COL4A3: variants seen among roughly 807,000 people sequenced by gnomAD.
COL4A3 encodes collagen type IV alpha 3 chain, also known as collagen alpha-3(IV) chain.
A neutral mutation model predicts 217.4 loss-of-function variants in COL4A3; 135 were observed. That is an observed-to-expected ratio of 0.62 (90% CI 0.54 to 0.72). The LOEUF is 0.72. COL4A3 is among the 30% of genes least tolerant of loss of function. The pLI, the probability that COL4A3 is intolerant of heterozygous loss-of-function variation, is 0.00. For synonymous variants in COL4A3, 690 were observed against 736.3 expected (o/e 0.94, Z 1.02); for missense variants, 1,868 against 2,119.9 (o/e 0.88, Z 2.33).
intron 29 of COL4A3, 62 bp from the exon 30 acceptor site, chr2:227,280,378 G>A (rs1026311534): frequency 2.5e-6 from 4 of 1,584,504 alleles, no homozygotes; most frequent in African/African-American, 2.7e-5. Flanking sequence ...CCATAACAGA[G>A]AGTCAATATC....
At chr2:227,192,913 A>G (rs2066300381) in intron 1 of COL4A3, among the ~76,000 whole-genome samples, 1 of 152,270 alleles carries the variant, frequency 6.6e-6, no homozygotes. Context: ...AAAAATTAAA[A>G]GAAAATGAAA....
At chr2:227,262,047 AT>A (rs1559877341) in intron 20 of COL4A3, among the ~76,000 whole-genome samples, 1 of 152,238 alleles carries the variant, frequency 6.6e-6, no homozygotes, top group East Asian at 1.9e-4. Context: ...ATGATGTTGT[AT>A]ATTATACTAC....
intron 1 of COL4A3, among the ~76,000 whole-genome samples, chr2:227,201,433 A>G (rs2066681443): frequency 1.3e-5 from 2 of 152,218 alleles, no homozygotes; most frequent in Admixed American, 6.5e-5. Context: ...CTTACATTGT[A>G]TTTGCCACTG....
At chr2:227,205,737 C>G (rs1363185870) in intron 1 of COL4A3, among the ~76,000 whole-genome samples, 1 of 146,380 alleles carries the variant, frequency 6.8e-6, no homozygotes, top group African/African-American at 2.5e-5. Flanking sequence ...CGACTAAGTT[C>G]AAAATACTCT....
rs2071190170 is a variant in COL4A3, at chr2:227,270,811, A to C, written c.1617A>C (p.Glu539Asp). Residue 539 changes from glutamate (E) to aspartate (D), a missense_variant, in exon 25 of 52, where the codon GAA becomes GAC. Physicochemically the swap from Glu to Asp is conservative, Grantham distance 45. Transcript: ENST00000396578. ...AGGGTGACCCAGGACTTAAAGGAGA[A>C]AAAGGTGAAACACTTCAGCCTGAGG... Reference protein sequence around the residue: ...GAQGDPGLKGEKGETLQPEGQ... With the variant: ...GAQGDPGLKGDKGETLQPEGQ... 2 of 1,614,176 alleles carry C rather than the reference A, an allele frequency of 1.2e-6. No individual in the cohort carries two copies.
chr2:227,240,450 TTCATC>T (rs2068957082), intron 3 of COL4A3, among the ~76,000 whole-genome samples: 2 of 152,198 alleles, frequency 1.3e-5, no homozygotes, highest in South Asian at 4.1e-4. Flanking sequence ...GTGGCTCCAG[TTCATC>T]TCCCTCCCTA....
At chr2:227,271,019 T>C in intron 25 of COL4A3, 67 bp downstream of exon 25, 1 of 1,546,066 alleles carries the variant, frequency 6.5e-7, no homozygotes, top group Non-Finnish European at 8.9e-7. Flanking sequence ...TAAAGTGATT[T>C]CTTTTCCAAA....
intron 1 of COL4A3, among the ~76,000 whole-genome samples, chr2:227,218,189 G>A (rs2067607836): frequency 2.0e-5 from 3 of 151,074 alleles, no homozygotes; most frequent in African/African-American, 2.4e-5. Flanking sequence ...CGTGTGGGCC[G>A]GGCGCAGTGG....
intron 9 of COL4A3, among the ~76,000 whole-genome samples, chr2:227,249,230 A>ATATATATATATATATATATATATTTT: frequency 1.4e-4 from 2 of 14,688 alleles, no homozygotes; most frequent in Non-Finnish European, 2.5e-4. Flanking sequence ...ATATATATAT[A>ATATATATATATATATATATATATTTT]TTTTTTTTTT....
intron 1 of COL4A3, among the ~76,000 whole-genome samples, chr2:227,210,028 T>C (rs982024452): frequency 2.0e-5 from 3 of 152,204 alleles, no homozygotes; most frequent in Non-Finnish European, 4.4e-5. Context: ...AACACACTTA[T>C]AAGATTGTAA....
chr2:227,279,752 A>T, intron 28 of COL4A3, 41 bp from the exon 29 acceptor site: 1 of 1,364,202 alleles, frequency 7.3e-7, no homozygotes, highest in Middle Eastern at 2.4e-4. Context: ...TATTTCAATA[A>T]GACTAATCCT....
Position 227,251,385 on chromosome 2 carries a change from C to T in COL4A3, c.645+14C>T, listed in dbSNP as rs748495371. The T allele has an allele frequency of 7.4e-6, 12 of 1,611,320 alleles. No individual in the cohort carries two copies. In the South Asian group the frequency reaches 1.3e-4, roughly 18 times the overall value. On this transcript the variant is annotated intron_variant, in intron 11 of 51. Transcript: ENST00000396578. ...AGAGGACCTAAGGTAGACTACAGTT[C>T]ATATGATGTAACAGCTAGCACACCC...
intron 20 of COL4A3, among the ~76,000 whole-genome samples, chr2:227,262,232 G>C (rs1295353520): frequency 6.6e-6 from 1 of 151,872 alleles, no homozygotes; most frequent in African/African-American, 2.4e-5. Flanking sequence ...AGTTAGAATG[G>C]GGCAAAAAGA....
intron 1 of COL4A3, among the ~76,000 whole-genome samples, chr2:227,197,226 T>C (rs1178274996): frequency 6.6e-6 from 1 of 152,186 alleles, no homozygotes; most frequent in Non-Finnish European, 1.5e-5. Flanking sequence ...TTTGTTTGTT[T>C]GTTTTTTTGA....
intron 48 of COL4A3, among the ~76,000 whole-genome samples, chr2:227,308,624 T>C (rs1038662342): frequency 1.3e-5 from 2 of 152,218 alleles, no homozygotes; most frequent in African/African-American, 2.4e-5. Context: ...AAAAACACTA[T>C]CCCAACTGAT....
chr2:227,270,687 G>T, intron 24 of COL4A3, 83 bp from the exon 25 acceptor site: 1 of 1,381,762 alleles, frequency 7.2e-7, no homozygotes, highest in Non-Finnish European at 1.0e-6. Flanking sequence ...AAATTGAAAA[G>T]TTCTTGTCCA....
rs1159504189 is a variant in COL4A3, at chr2:227,202,941, A to G, written c.88-35027A>G. The stretch of plus-strand genomic sequence containing the variant: ...CATATATGTGTATATATGTGTATAT[A>G]TGTGTATATATACATATATGTGTAT... On this transcript the variant is annotated intron_variant, in intron 1 of 51. Transcript: ENST00000396578. Among the ~76,000 whole-genome samples the G allele has an allele frequency of 4.6e-5, 2 of 43,654 alleles. 1 individual carries two copies. The highest frequency in any genetic ancestry group is 7.6e-5 in the Non-Finnish European group (2 of 26,184). 28.6% of individuals were successfully genotyped at this position (43,654 alleles called of 152,430 possible).
intron 47 of COL4A3, among the ~76,000 whole-genome samples, chr2:227,306,058 A>T (rs889390222): frequency 2.0e-5 from 3 of 152,238 alleles, no homozygotes; most frequent in African/African-American, 7.2e-5. Context: ...TGCACAGTAG[A>T]GTGCTATTAA....
intron 46 of COL4A3, 44 bp from the exon 47 acceptor site, chr2:227,304,941 C>T: frequency 6.6e-7 from 1 of 1,522,074 alleles, no homozygotes; most frequent in Non-Finnish European, 9.1e-7. Context: ...CCTTACTTTT[C>T]ATCCTATATG....
Sources: gnomAD v4.1 joint callset for allele counts (sites outside exome capture counted in the v4.1 genomes callset) on GRCh38, gnomAD v4.1.1 for gene constraint, MANE v1.5 for transcripts, NCBI Gene and HGNC (gene_info 2026-07-23, HGNC 2026-07-21) for gene names.